Variants in RBP2 observed in about 807,000 individuals in gnomAD.
The protein encoded by RBP2 is retinol binding protein 2, also known as retinol-binding protein 2.
A neutral mutation model predicts 17.0 loss-of-function variants in RBP2; 17 were observed. That is an observed-to-expected ratio of 1.00 (90% CI 0.68 to 1.50). The LOEUF is 1.50. RBP2 is among the 40% of genes most tolerant of loss of function. The pLI is 0.00. For synonymous variants in RBP2, 48 were observed against 57.1 expected (o/e 0.84, Z 0.72); for missense variants, 158 against 168.2 (o/e 0.94, Z 0.33).
intron 3 of RBP2, 121 bp from the exon 4 acceptor site, chr3:139,453,287 G>C: frequency 9.4e-7 from 1 of 1,060,328 alleles, no homozygotes; most frequent in South Asian, 1.3e-5. Flanking sequence ...GGTATTCTGG[G>C]CAAAGTGCAT....
rs140777794 is a variant in RBP2, at chr3:139,455,291, C to T, written c.253-461G>A. 4.5e-3 allele frequency among the ~76,000 whole-genome samples: 683 copies of T among 152,230 alleles called. 7 individuals are homozygous for T. Among genetic ancestry groups the T allele is most frequent in the African/African-American group, 0.016 (662 of 41,538 alleles). On this transcript the variant is annotated intron_variant, in intron 2 of 3. Coordinates refer to ENST00000232217, the MANE Select transcript of RBP2 (RefSeq NM_004164.3). ...AAAATGTCATTAACTTAATAGTTCA[C>T]GTTAACAAAGAACATGAACCAACAG...
intron 2 of RBP2, among the ~76,000 whole-genome samples, chr3:139,459,495 C>A (rs374920773): frequency 6.7e-6 from 1 of 149,256 alleles, no homozygotes; most frequent in African/African-American, 2.5e-5. Context: ...TGGTGGCGCA[C>A]GCCTGTAATC....
At position 139,459,835 on chromosome 3, in the gene RBP2, T is replaced by A. The variant is rs985060008; in HGVS notation, c.252+2277A>T. Among the ~76,000 whole-genome samples, 5 of 121,942 alleles carry A rather than the reference T, an allele frequency of 4.1e-5. No individual in the cohort carries two copies. The East Asian group carries it at 1.1e-3, about 26-fold the overall frequency. 80.0% of individuals were successfully genotyped at this position (121,942 alleles called of 152,430 possible). On this transcript the variant is annotated intron_variant, in intron 2 of 3. Transcript: ENST00000232217. ...ACTCCCTACTAAGGGTGTGTGTGAG[T>A]GTGTGTGTGTGTGTGTGTGTGCATT...
chr3:139,469,414 A>G (rs1933473674), intron 1 of RBP2, among the ~76,000 whole-genome samples: 1 of 152,096 alleles, frequency 6.6e-6, no homozygotes, highest in Non-Finnish European at 1.5e-5. Context: ...AGTCTACTGC[A>G]TGCTTACTGG....
Position 139,453,061 on chromosome 3 carries a change from A to AC in RBP2, c.*54dup. The AC allele has an allele frequency of 1.2e-6, 2 of 1,601,770 alleles. No homozygotes were observed. The highest frequency in any genetic ancestry group is 1.7e-6 in the Non-Finnish European group (2 of 1,168,754). On this transcript the variant is annotated 3_prime_UTR_variant, in exon 4 of 4. Transcript: ENST00000232217. ...CACAGCTGTTTCTCAAAGCCAGTAG[A>AC]CCACTCAGTGTGGGCAGTGGGGAGC...
At chr3:139,469,117 CAT>C (rs112988749) in intron 1 of RBP2, among the ~76,000 whole-genome samples, 1 of 152,166 alleles carries the variant, frequency 6.6e-6, no homozygotes, top group African/African-American at 2.4e-5. Context: ...AAGTATTCAT[CAT>C]ATGAAATCTG....
intron 1 of RBP2, among the ~76,000 whole-genome samples, chr3:139,467,360 T>C (rs771970755): frequency 5.3e-5 from 8 of 152,188 alleles, no homozygotes; most frequent in Non-Finnish European, 7.3e-5. Flanking sequence ...ATGCAAAATC[T>C]GGGGCCCACC....
chr3:139,474,505 A>G (rs1933664163), intron 1 of RBP2, among the ~76,000 whole-genome samples: 1 of 152,260 alleles, frequency 6.6e-6, no homozygotes, highest in Non-Finnish European at 1.5e-5. Flanking sequence ...AAAAGACACA[A>G]GGTTTCTTTC....
chr3:139,454,612 G>T, intron 3 of RBP2, 117 bp downstream of exon 3: 2 of 875,658 alleles, frequency 2.3e-6, no homozygotes, highest in South Asian at 1.5e-5. Flanking sequence ...ACATGCATTT[G>T]GCTGGAGCTC....
At chr3:139,457,372 T>C (rs1428636877) in intron 2 of RBP2, among the ~76,000 whole-genome samples, 1 of 152,218 alleles carries the variant, frequency 6.6e-6, no homozygotes, top group Non-Finnish European at 1.5e-5. Flanking sequence ...GTCTGATTCA[T>C]CATTTTATCA....
intron 1 of RBP2, among the ~76,000 whole-genome samples, chr3:139,469,366 TC>T (rs1477728282): frequency 6.6e-6 from 1 of 152,144 alleles, no homozygotes; most frequent in East Asian, 1.9e-4. Context: ...CTAGGGTGCC[TC>T]CCTGCTCCCT....
In RBP2 at chr3:139,476,515, A is replaced by G. The variant is rs36091523; in HGVS notation, c.-56T>C. 8.9e-4 allele frequency: 1,341 copies of G among 1,502,588 alleles called. 2 individuals carry two copies. Among genetic ancestry groups the G allele is most frequent in the Middle Eastern group, 2.2e-3 (13 of 5,830 alleles). 93.1% of individuals were successfully genotyped at this position (1,502,588 alleles called of 1,614,324 possible). A position where few individuals can be genotyped will look rare whatever the true frequency, so the allele number is the denominator to read the frequency against. On this transcript the variant is annotated 5_prime_UTR_variant, in exon 1 of 4. Transcript: ENST00000232217. ...TGGTGGATGGCAAGGAGCAGGCTGC[A>G]GGGAGAATACACTGGAATGAGCTTC...
intron 1 of RBP2, among the ~76,000 whole-genome samples, chr3:139,464,569 C>T (rs1342209153): frequency 3.9e-5 from 6 of 152,160 alleles, no homozygotes; most frequent in African/African-American, 1.4e-4. Context: ...ATCACAGCTG[C>T]ATGAGAAAGG....
intron 1 of RBP2, among the ~76,000 whole-genome samples, chr3:139,464,275 C>G (rs1232523583): frequency 6.6e-6 from 1 of 152,172 alleles, no homozygotes; most frequent in Non-Finnish European, 1.5e-5. Flanking sequence ...GCCTGGCCAA[C>G]ATGGTGAAAC....
At chr3:139,461,241 C>T (rs572858250) in intron 2 of RBP2, among the ~76,000 whole-genome samples, 1 of 152,292 alleles carries the variant, frequency 6.6e-6, no homozygotes, top group South Asian at 2.1e-4. Context: ...CTCCCTGCTG[C>T]CTCTGCCTTA....
intron 2 of RBP2, among the ~76,000 whole-genome samples, chr3:139,458,078 A>G (rs551595273): frequency 1.3e-5 from 2 of 152,356 alleles, no homozygotes; most frequent in Non-Finnish European, 2.9e-5. Context: ...GAGAGAAAGC[A>G]TGTGCACATG....
Position 139,470,174 on chromosome 3 carries a change from G to A in RBP2, c.73+6213C>T, listed in dbSNP as rs141889280. On this transcript the variant is annotated intron_variant, in intron 1 of 3. Coordinates refer to ENST00000232217, the MANE Select transcript of RBP2 (RefSeq NM_004164.3). ...TAATGCATGCTCCCCCGCCACCCCA[G>A]CCTGGTACCTCCCCACCAAAACTCA... Among the ~76,000 whole-genome samples, 1,077 of 152,120 alleles carry A rather than the reference G, an allele frequency of 7.1e-3. 5 individuals carry two copies. Among genetic ancestry groups the A allele is most frequent in the Non-Finnish European group, 0.013 (863 of 67,984 alleles).
At chr3:139,473,670 T>C (rs1458894048) in intron 1 of RBP2, among the ~76,000 whole-genome samples, 1 of 152,136 alleles carries the variant, frequency 6.6e-6, no homozygotes, top group African/African-American at 2.4e-5. Flanking sequence ...ACTGTTGAGA[T>C]CTGTTGGGCT....
chr3:139,476,335 C>T (rs2233815), intron 1 of RBP2, 52 bp downstream of exon 1: 423,932 of 1,523,310 alleles, frequency 0.28, 71,598 homozygotes, highest in East Asian at 0.86. Flanking sequence ...GAGGGCCAGA[C>T]CACAGTACTC....
Sources: allele counts gnomAD v4.1 joint callset (sites outside exome capture counted in the v4.1 genomes callset), GRCh38; gene constraint gnomAD v4.1.1; transcripts MANE v1.5; gene names NCBI Gene and HGNC (gene_info 2026-07-23, HGNC 2026-07-21).